The following UNC13C variants were observed in gnomAD, a reference collection of about 807,000 sequenced individuals.
UNC13C encodes the protein unc-13 homolog C, also known as protein unc-13 homolog C.
UNC13C carries 174 observed loss-of-function variants against 245.4 expected under a neutral mutation model. That is an observed-to-expected ratio of 0.71 (90% CI 0.63 to 0.80). The LOEUF is 0.80. UNC13C is among the 30% of genes least tolerant of loss of function. UNC13C has a pLI of 0.00. For synonymous variants in UNC13C, 992 were observed against 895.1 expected, an observed-to-expected ratio of 1.11 and a Z score of -1.93; for missense variants, 2,829 against 2,602.9, an observed-to-expected ratio of 1.09 and a Z score of -1.89.
At chr15:54,068,863 A>G (rs1335995402) in intron 2 of UNC13C, among the ~76,000 whole-genome samples, 3 of 152,150 alleles carry the variant, frequency 2.0e-5, no homozygotes, top group Non-Finnish European at 4.4e-5. Context: ...TTAGTGAGTA[A>G]TATTGACAGG....
intron 2 of UNC13C, among the ~76,000 whole-genome samples, chr15:54,054,023 C>G (rs143358497): frequency 1.3e-5 from 2 of 152,178 alleles, no homozygotes; most frequent in Admixed American, 6.5e-5. Flanking sequence ...ATCCATTCGT[C>G]TGATGATAGA....
intron 2 of UNC13C, among the ~76,000 whole-genome samples, chr15:54,044,082 C>T (rs1475816371): frequency 6.6e-6 from 1 of 152,134 alleles, no homozygotes; most frequent in Admixed American, 6.5e-5. Flanking sequence ...CTCTCTTTTT[C>T]CCCTGCCCCC....
chr15:53,918,227 C>T, the UNC13C span, among the ~76,000 whole-genome samples: 1 of 152,304 alleles, frequency 6.6e-6, no homozygotes, highest in East Asian at 1.9e-4. Flanking sequence ...GACGCAAATC[C>T]GTGGAGTCTT....
the UNC13C span, among the ~76,000 whole-genome samples, chr15:53,916,434 A>G: frequency 6.6e-6 from 1 of 152,204 alleles, no homozygotes; most frequent in African/African-American, 2.4e-5. Flanking sequence ...TTGAATCAAT[A>G]GAGAAGGCTG....
intron 7 of UNC13C, among the ~76,000 whole-genome samples, chr15:54,241,223 C>A (rs889686705): frequency 6.6e-6 from 1 of 152,118 alleles, no homozygotes; most frequent in Admixed American, 6.5e-5. Flanking sequence ...CATGTTAAGG[C>A]TGGCAGGCTT....
chr15:53,846,753 C>A, the UNC13C span, among the ~76,000 whole-genome samples: 2 of 152,122 alleles, frequency 1.3e-5, no homozygotes, highest in Non-Finnish European at 2.9e-5. Context: ...CCTAATCCAA[C>A]TTATTTTCAG....
chr15:54,009,164 A>G lies in UNC13C; in HGVS notation c.-256-3484A>G, dbSNP rs368015067. On this transcript the variant is annotated intron_variant, in intron 1 of 32. Transcript: ENST00000260323. ...GTAACTAGGAAGGTGAGATTTCAAT[A>G]TTAGGAAATTGTTGCTGGATCATAG... Among the ~76,000 whole-genome samples the G allele has an allele frequency of 3.3e-5, 5 of 152,344 alleles. No individual in the cohort carries two copies. The South Asian group carries it at 1.0e-3, about 32-fold the overall frequency.
rs1295934722 is a variant in UNC13C at position 54,199,715 on chromosome 15, T to A, written c.3072-35315T>A. 2.0e-5 allele frequency among the ~76,000 whole-genome samples: 3 copies of A among 152,026 alleles called. 1 individual carries two copies. The highest frequency in any genetic ancestry group is 7.2e-5 in the African/African-American group (3 of 41,426). ...GCTCTAAATCTTGAGATAAATCTTC[T>A]AAATAAACCAAAATAGAACCTACTT... On this transcript the variant is annotated intron_variant, in intron 4 of 32. Coordinates refer to ENST00000260323, the MANE Select transcript of UNC13C (RefSeq NM_001080534.3).
At chr15:53,844,511 T>C in the UNC13C span, among the ~76,000 whole-genome samples, 4 of 152,098 alleles carry the variant, frequency 2.6e-5, no homozygotes, top group Non-Finnish European at 4.4e-5. Flanking sequence ...GTCATCTGTG[T>C]ATTTGTTAAC....
At chr15:54,411,316 G>A (rs1426200089) in intron 18 of UNC13C, among the ~76,000 whole-genome samples, 1 of 151,994 alleles carries the variant, frequency 6.6e-6, no homozygotes, top group Non-Finnish European at 1.5e-5. Flanking sequence ...TCTCAACAGT[G>A]TCTTTTGAAG....
At chr15:54,299,383 C>T (rs1351854959) in intron 12 of UNC13C, among the ~76,000 whole-genome samples, 1 of 152,156 alleles carries the variant, frequency 6.6e-6, no homozygotes, top group African/African-American at 2.4e-5. Context: ...CTGACTCTTA[C>T]CATTTTGCAG....
chr15:53,865,909 A>G, the UNC13C span, among the ~76,000 whole-genome samples: 2 of 152,194 alleles, frequency 1.3e-5, no homozygotes, highest in African/African-American at 4.8e-5. Flanking sequence ...AAGCCAAAAG[A>G]AAAGTGTGAA....
chr15:54,321,059 C>T (rs993288906), intron 13 of UNC13C: 27 of 476,170 alleles, frequency 5.7e-5, no homozygotes, highest in Admixed American at 1.1e-4. Flanking sequence ...CCCCCGAAAC[C>T]GCCTCCATGG....
At chr15:54,447,829 T>C (rs146502439) in intron 19 of UNC13C, among the ~76,000 whole-genome samples, 4,523 of 152,294 alleles carry the variant, frequency 0.03, 181 homozygotes, top group Admixed American at 0.12. Context: ...TTGAATGTGT[T>C]TGCTCTTGCT....
chr15:54,214,373 G>A (rs1285841473), intron 4 of UNC13C, among the ~76,000 whole-genome samples: 1 of 151,856 alleles, frequency 6.6e-6, no homozygotes, highest in African/African-American at 2.4e-5. Flanking sequence ...GGTGAGATGT[G>A]TCTTTAGTCT....
the UNC13C span, among the ~76,000 whole-genome samples, chr15:53,903,412 T>A: frequency 1.3e-5 from 2 of 152,202 alleles, no homozygotes; most frequent in Non-Finnish European, 2.9e-5. Flanking sequence ...AGAAAATGAT[T>A]TCCATTCTAA....
intron 17 of UNC13C, among the ~76,000 whole-genome samples, chr15:54,386,741 T>A (rs2039845945): frequency 6.6e-6 from 1 of 152,182 alleles, no homozygotes; most frequent in African/African-American, 2.4e-5. Context: ...GTTTTTTAAA[T>A]GAGAATTGAA....
chr15:54,558,595 A>T (rs1002719679), intron 29 of UNC13C, among the ~76,000 whole-genome samples: 1 of 152,076 alleles, frequency 6.6e-6, no homozygotes, highest in African/African-American at 2.4e-5. Context: ...TAACTTTTCT[A>T]AATATTAAAA....
In UNC13C at chr15:54,081,482, G is replaced by C. The variant is rs141371307; in HGVS notation, c.2984-61536G>C. 8.2e-4 allele frequency among the ~76,000 whole-genome samples: 125 copies of C among 152,096 alleles called. 1 individual carries two copies. Among genetic ancestry groups the C allele is most frequent in the Admixed American group, 6.5e-3 (100 of 15,286 alleles). On this transcript the variant is annotated intron_variant, in intron 2 of 32. Transcript: ENST00000260323. ...ATCTTGGTACTCTGATACTGGGTTT[G>C]TATATACTTAGGATAGTTAAATTTT...
Sources: gnomAD v4.1 joint callset for allele counts (sites outside exome capture counted in the v4.1 genomes callset) on GRCh38, gnomAD v4.1.1 for gene constraint, MANE v1.5 for transcripts, NCBI Gene and HGNC (gene_info 2026-07-23, HGNC 2026-07-21) for gene names.